Variants in BACE1 observed in about 807,000 individuals in gnomAD.
The protein encoded by BACE1 is APP beta-secretase.
In BACE1, 21 loss-of-function variants were observed where a neutral mutation model predicts 54.0. That is an observed-to-expected ratio of 0.39 (90% CI 0.28 to 0.56). BACE1 has a LOEUF of 0.56. BACE1 is among the 20% of genes least tolerant of loss of function. The pLI, the probability that BACE1 is intolerant of heterozygous loss-of-function variation, is 0.63. For synonymous variants in BACE1, 232 were observed against 260.9 expected (o/e 0.89, Z 1.07); for missense variants, 511 against 661.2 (o/e 0.77, Z 2.49).
chr11:117,315,484 T>TC lies in BACE1; in HGVS notation c.261+50dup. 6.5e-7 allele frequency: 1 copy of TC among 1,550,322 alleles called. No individual in the cohort carries two copies. The highest frequency in any genetic ancestry group is 8.7e-7 in the Non-Finnish European group (1 of 1,154,834). On this transcript the variant is annotated intron_variant, in intron 1 of 8. Coordinates refer to ENST00000313005, the MANE Select transcript of BACE1 (RefSeq NM_012104.6). The surrounding 1 kb of genome is among the most constrained non-coding windows in gnomAD (Gnocchi z 5.5). ...TAGCTTGAGGCATCCCCATCCTGTC[T>TC]CCCCTCTGCTCATGCAGGCGGAGGG...
intron 1 of BACE1, among the ~76,000 whole-genome samples, chr11:117,301,083 G>C (rs1332752659): frequency 1.3e-5 from 2 of 152,106 alleles, no homozygotes; most frequent in East Asian, 3.9e-4. Context: ...ACCAAACACT[G>C]AAGGTGTTTT....
chr11:117,305,953 G>A (rs560083769), intron 1 of BACE1, among the ~76,000 whole-genome samples: 3 of 152,034 alleles, frequency 2.0e-5, no homozygotes, highest in African/African-American at 7.3e-5. Flanking sequence ...GGAGAATGGC[G>A]TGAACCCAGG....
Position 117,306,383 on chromosome 11 carries a change from C to T in BACE1, c.261+9152G>A, listed in dbSNP as rs544627420. ...CTTGAATCTTCTCTTGCTCTGTCCTCAGTTGAAAATGAAGCTGACCATGGC... is the reference window on the plus strand; with the variant it reads ...CTTGAATCTTCTCTTGCTCTGTCCTTAGTTGAAAATGAAGCTGACCATGGC... On this transcript the variant is annotated intron_variant, in intron 1 of 8. Transcript: ENST00000313005. Among the ~76,000 whole-genome samples, 3 of 152,308 alleles carry T rather than the reference C, an allele frequency of 2.0e-5. No individual in the cohort carries two copies. In the East Asian group the frequency reaches 5.8e-4, roughly 29 times the overall value.
intron 5 of BACE1, 139 bp downstream of exon 5, chr11:117,292,915 C>G (rs1003366687): frequency 2.9e-6 from 3 of 1,017,710 alleles, no homozygotes; most frequent in Non-Finnish European, 4.3e-6. Context: ...AAGCCCCTGA[C>G]TGTTCTAGGC....
At position 117,315,827 on chromosome 11, in the gene BACE1, C is replaced by T. The variant is rs1185321232; in HGVS notation, c.-32G>A. On this transcript the variant is annotated 5_prime_UTR_variant, in exon 1 of 9. Coordinates refer to ENST00000313005, the MANE Select transcript of BACE1 (RefSeq NM_012104.6). The surrounding 1 kb of genome is among the most constrained non-coding windows in gnomAD (Gnocchi z 5.5). ...CCCCGGCCTTCGGGCCCTCTGGGCT[C>T]GCACTGGCCCACGTCCGTCCCTGGC... The T allele has an allele frequency of 2.2e-6, 3 of 1,384,434 alleles. No homozygotes were observed. The highest frequency in any genetic ancestry group is 3.1e-5 in the African/African-American group (2 of 65,208). 85.8% of individuals were successfully genotyped at this position (1,384,434 alleles called of 1,614,324 possible). A position where few individuals can be genotyped will look rare whatever the true frequency, so the allele number is the denominator to read the frequency against.
Position 117,296,861 on chromosome 11 carries a change from C to T in BACE1, c.350+12G>A. The T allele has an allele frequency of 6.2e-7, 1 of 1,610,322 alleles. No homozygotes were observed. The highest frequency in any genetic ancestry group is 1.3e-5 in the African/African-American group (1 of 74,920). ...GAAAAGGTACTTCCCCCGGGCTCTC[C>T]CCAGGACTCACAGCTGCCTCTGGTA... is the stretch of plus-strand genomic sequence containing the variant. On this transcript the variant is annotated intron_variant, in intron 2 of 8. Coordinates refer to ENST00000313005, the MANE Select transcript of BACE1 (RefSeq NM_012104.6).
chr11:117,310,238 C>A (rs2034917201), intron 1 of BACE1, among the ~76,000 whole-genome samples: 1 of 151,852 alleles, frequency 6.6e-6, no homozygotes, highest in African/African-American at 2.4e-5. Flanking sequence ...AAAATACTTT[C>A]TCTAAGAGCT....
chr11:117,296,595 A>G (rs749907807), intron 2 of BACE1, among the ~76,000 whole-genome samples: 5 of 152,076 alleles, frequency 3.3e-5, no homozygotes, highest in Non-Finnish European at 7.4e-5. Context: ...TCTGTGAGCT[A>G]TGGGCTCTTC....
intron 1 of BACE1, among the ~76,000 whole-genome samples, chr11:117,308,968 C>CA (rs1005293165): frequency 2.0e-4 from 30 of 151,970 alleles, no homozygotes; most frequent in African/African-American, 6.8e-4. Context: ...AACAAACAAA[C>CA]AAAAAAACTA....
intron 5 of BACE1, 78 bp from the exon 6 acceptor site, chr11:117,291,891 G>T: frequency 8.8e-7 from 1 of 1,131,194 alleles, no homozygotes; most frequent in Non-Finnish European, 1.3e-6. Flanking sequence ...GTTACTGCTG[G>T]GGCCCCAGCT....
chr11:117,287,098 G>GA lies in BACE1; in HGVS notation c.*2467dup, dbSNP rs1331993657. On this transcript the variant is annotated 3_prime_UTR_variant, in exon 9 of 9. Coordinates refer to ENST00000313005, the MANE Select transcript of BACE1 (RefSeq NM_012104.6). ...CTTTGAAGCCAAAGGAGTAAAGAAA[G>GA]AAAAAAGGAAGGGGTGAGGAGGGGG... The GA allele has an allele frequency of 6.6e-6, 1 of 152,052 alleles. No homozygotes were observed. The allele number at this position is 152,052 out of a possible 1,614,324, so 9.4% of individuals were successfully genotyped here.
chr11:117,302,792 C>T (rs2034753452), intron 1 of BACE1, among the ~76,000 whole-genome samples: 1 of 152,080 alleles, frequency 6.6e-6, no homozygotes, highest in South Asian at 2.1e-4. Flanking sequence ...GGCTGAAGCA[C>T]GAGAATCACT....
rs958563463 is a variant in BACE1, at chr11:117,315,940, G to A, written c.-145C>T. The stretch of plus-strand genomic sequence containing the variant: ...GACGCCAGGGCCTGCAGGGCCCTGG[G>A]CCAGCCCCCGGGTCCGGGCTGTGGA... On this transcript the variant is annotated 5_prime_UTR_variant, in exon 1 of 9. Transcript: ENST00000313005. This position sits in a 1 kb window ranked among gnomAD's most constrained non-coding sequence, Gnocchi z 5.5. 1 of 916,418 alleles carries A rather than the reference G, an allele frequency of 1.1e-6. No individual in the cohort carries two copies. Among genetic ancestry groups the A allele is most frequent in the Non-Finnish European group, 1.5e-6 (1 of 666,686 alleles). 56.8% of individuals were successfully genotyped at this position (916,418 alleles called of 1,614,324 possible). A position where few individuals can be genotyped will look rare whatever the true frequency, so the allele number is the denominator to read the frequency against.
intron 1 of BACE1, among the ~76,000 whole-genome samples, chr11:117,301,594 A>C (rs1290976727): frequency 6.6e-6 from 1 of 151,250 alleles, no homozygotes; most frequent in Admixed American, 6.6e-5. Context: ...GGGTGACAGA[A>C]CAAGACCGTC....
intron 1 of BACE1, among the ~76,000 whole-genome samples, chr11:117,304,038 T>G (rs2034780074): frequency 6.6e-6 from 1 of 152,198 alleles, no homozygotes; most frequent in Admixed American, 6.5e-5. Context: ...TGTGATAGAT[T>G]GTTATACTAA....
At chr11:117,290,461 C>T in intron 8 of BACE1, 27 bp downstream of exon 8, 1 of 1,610,546 alleles carries the variant, frequency 6.2e-7, no homozygotes. Flanking sequence ...GAGACTGACC[C>T]CAAACCCTCA....
At chr11:117,300,527 C>T (rs2034702076) in intron 1 of BACE1, among the ~76,000 whole-genome samples, 1 of 152,180 alleles carries the variant, frequency 6.6e-6, no homozygotes, top group Non-Finnish European at 1.5e-5. Flanking sequence ...CATTATGAAA[C>T]AGGGCAGTTC....
intron 2 of BACE1, among the ~76,000 whole-genome samples, chr11:117,296,040 T>C (rs1163583033): frequency 6.6e-6 from 1 of 152,196 alleles, no homozygotes; most frequent in African/African-American, 2.4e-5. Flanking sequence ...TCTTTTAGAT[T>C]GGGACATTAG....
intron 6 of BACE1, 104 bp from the exon 7 acceptor site, chr11:117,291,153 G>A (rs2034419074): frequency 7.0e-7 from 1 of 1,419,604 alleles, no homozygotes; most frequent in Non-Finnish European, 9.5e-7. Flanking sequence ...CTTTTCCAGT[G>A]AAATATCTAA....
Sources: allele counts gnomAD v4.1 joint callset (sites outside exome capture counted in the v4.1 genomes callset), GRCh38; gene constraint gnomAD v4.1.1; non-coding constraint Gnocchi (gnomAD v3.1); transcripts MANE v1.5; gene names NCBI Gene and HGNC (gene_info 2026-07-23, HGNC 2026-07-21).